CALN1: variants seen among roughly 807,000 people sequenced by gnomAD.
CALN1 encodes the protein calcium-binding protein 8.
CALN1 carries 17 observed loss-of-function variants against 30.6 expected under a neutral mutation model. That is an observed-to-expected ratio of 0.56 (90% CI 0.38 to 0.83). The LOEUF is 0.83. Among genes scored for constraint, CALN1 ranks in the 40% least tolerant of loss-of-function variants. The pLI, the probability that CALN1 is intolerant of heterozygous loss-of-function variation, is 0.00. For synonymous variants in CALN1, 156 were observed against 131.4 expected, an observed-to-expected ratio of 1.19 and a Z score of -1.28; for missense variants, 291 against 354.9, an observed-to-expected ratio of 0.82 and a Z score of 1.45.
chr7:72,370,760 A>G (rs574764968), intron 2 of CALN1, among the ~76,000 whole-genome samples: 3 of 151,864 alleles, frequency 2.0e-5, no homozygotes, highest in Non-Finnish European at 4.4e-5. Flanking sequence ...TCAAAGAGAG[A>G]GCTCTTGGCT....
intron 2 of CALN1, among the ~76,000 whole-genome samples, chr7:72,342,499 T>A (rs1802431076): frequency 6.6e-6 from 1 of 152,174 alleles, no homozygotes; most frequent in Admixed American, 6.5e-5. Flanking sequence ...GGATGGAGGC[T>A]AAACTCAACA....
intron 3 of CALN1, among the ~76,000 whole-genome samples, chr7:72,189,750 A>G (rs1230497430): frequency 6.8e-6 from 1 of 146,464 alleles, no homozygotes; most frequent in Non-Finnish European, 1.5e-5. Flanking sequence ...CCTAGGCGAC[A>G]GCGCCAGACT....
intron 2 of CALN1, among the ~76,000 whole-genome samples, chr7:72,331,985 A>G (rs965668594): frequency 7.9e-5 from 12 of 152,220 alleles, no homozygotes; most frequent in Admixed American, 2.0e-4. Context: ...TTTGCCAAGG[A>G]TAATGGCCTC....
At chr7:71,873,560 T>C (rs1792071929) in intron 5 of CALN1, among the ~76,000 whole-genome samples, 1 of 152,154 alleles carries the variant, frequency 6.6e-6, no homozygotes, top group African/African-American at 2.4e-5. Context: ...GCATAAATCA[T>C]TTACTAAAAA....
chr7:71,820,235 A>C (rs1788512216), intron 5 of CALN1, among the ~76,000 whole-genome samples: 1 of 152,142 alleles, frequency 6.6e-6, no homozygotes, highest in Admixed American at 6.5e-5. Flanking sequence ...ACCAACTGCC[A>C]ATCAGAACCC....
At chr7:72,445,998 A>G (rs1219130231) in intron 1 of CALN1, among the ~76,000 whole-genome samples, 2 of 152,032 alleles carry the variant, frequency 1.3e-5, no homozygotes, top group African/African-American at 2.4e-5. Context: ...TCCCCTCCCA[A>G]GCTCCTCTCC....
At chr7:72,060,868 G>A (rs1010060174) in intron 4 of CALN1, among the ~76,000 whole-genome samples, 1 of 152,164 alleles carries the variant, frequency 6.6e-6, no homozygotes, top group Admixed American at 6.5e-5. Context: ...TGGGTGTCAC[G>A]CTTCTTGTAT....
chr7:71,981,096 C>T (rs1363031025), intron 5 of CALN1, among the ~76,000 whole-genome samples: 5 of 152,088 alleles, frequency 3.3e-5, no homozygotes, highest in Admixed American at 1.3e-4. Flanking sequence ...AATCATTCAC[C>T]GCAGTGCTAT....
chr7:71,998,962 C>T lies in CALN1; in HGVS notation c.501+24695G>A, dbSNP rs1224625458. 5.3e-5 allele frequency among the ~76,000 whole-genome samples: 8 copies of T among 151,982 alleles called. No individual in the cohort carries two copies. In the East Asian group the frequency reaches 1.2e-3, roughly 22 times the overall value. On this transcript the variant is annotated intron_variant, in intron 5 of 6. Transcript: ENST00000395275. Reference sequence around the variant, plus strand: ...AGGAACAAGAATCCAAGGAACCAAACAGAAAAAAATTAATAAAATGGTAGA... The same window carrying T: ...AGGAACAAGAATCCAAGGAACCAAATAGAAAAAAATTAATAAAATGGTAGA...
the CALN1 span, among the ~76,000 whole-genome samples, chr7:72,490,046 T>G: frequency 1.3e-3 from 196 of 152,294 alleles, no homozygotes; most frequent in Non-Finnish European, 2.1e-3. Context: ...GCAAAGGAAT[T>G]GCAAGTAAAG....
rs1031914180 is a variant in CALN1 at position 72,345,011 on chromosome 7, A to G, written c.119+58240T>C. Among the ~76,000 whole-genome samples, 3 of 147,924 alleles carry G rather than the reference A, an allele frequency of 2.0e-5. No individual in the cohort carries two copies. The South Asian group carries it at 6.3e-4, about 31-fold the overall frequency. On this transcript the variant is annotated intron_variant, in intron 2 of 6. Transcript: ENST00000395275. The stretch of plus-strand genomic sequence containing the variant: ...AAAATAATGATATATAATACATTAT[A>G]TATGTACAATATAATGGCACATGTT...
At chr7:72,050,959 C>A (rs116075083) in intron 4 of CALN1, among the ~76,000 whole-genome samples, 2,311 of 151,546 alleles carry the variant, frequency 0.015, 48 homozygotes, top group African/African-American at 0.054. Flanking sequence ...GCCACTACTG[C>A]ATTCCAGCCT....
At chr7:72,448,149 C>T (rs1808580927), upstream of CALN1, among the ~76,000 whole-genome samples, 2 of 152,208 alleles carry the variant, frequency 1.3e-5, no homozygotes, top group Admixed American at 6.5e-5. Flanking sequence ...TTCATGCACA[C>T]ACATCTTCCC....
At chr7:72,408,490 A>G (rs561057526) in intron 1 of CALN1, among the ~76,000 whole-genome samples, 1 of 151,968 alleles carries the variant, frequency 6.6e-6, no homozygotes, top group South Asian at 2.1e-4. Context: ...GACTCTCTAG[A>G]CGTGAAGGTC....
chr7:71,894,927 T>C (rs772579996), intron 5 of CALN1, among the ~76,000 whole-genome samples: 2 of 152,138 alleles, frequency 1.3e-5, no homozygotes, highest in Non-Finnish European at 2.9e-5. Flanking sequence ...CAGACTGCAA[T>C]GTTTGTGTTG....
At chr7:72,310,098 C>T (rs1289085514) in intron 2 of CALN1, among the ~76,000 whole-genome samples, 1 of 151,930 alleles carries the variant, frequency 6.6e-6, no homozygotes, top group Non-Finnish European at 1.5e-5. Flanking sequence ...CAAGGACTTG[C>T]TCAGGAAGGA....
At chr7:72,020,353 C>T (rs1008379710) in intron 5 of CALN1, among the ~76,000 whole-genome samples, 1 of 152,200 alleles carries the variant, frequency 6.6e-6, no homozygotes, top group African/African-American at 2.4e-5. Context: ...TGCACACACA[C>T]ACATGCACAC....
intron 1 of CALN1, among the ~76,000 whole-genome samples, chr7:72,411,726 CAAATAT>C (rs771877349): frequency 3.7e-4 from 56 of 152,236 alleles, no homozygotes; most frequent in African/African-American, 1.1e-3. Context: ...AGCCAATCAC[CAAATAT>C]GGTACAACTC....
intron 2 of CALN1, among the ~76,000 whole-genome samples, chr7:72,353,785 T>C (rs1050864993): frequency 5.3e-5 from 8 of 152,124 alleles, no homozygotes; most frequent in African/African-American, 1.7e-4. Context: ...AGCAACATGA[T>C]TGTGTAAATT....
Sources: gnomAD v4.1 joint callset for allele counts (sites outside exome capture counted in the v4.1 genomes callset) on GRCh38, gnomAD v4.1.1 for gene constraint, MANE v1.5 for transcripts, NCBI Gene and HGNC (gene_info 2026-07-23, HGNC 2026-07-21) for gene names.